The following KCNMA1 variants were observed in gnomAD, a reference collection of about 807,000 sequenced individuals.
KCNMA1 encodes Calcium-activated potassium channel subunit alpha-1.
In KCNMA1, 29 loss-of-function variants were observed where a neutral mutation model predicts 140.0. The observed-to-expected ratio is 0.21, with a 90% CI of 0.15 to 0.28. The LOEUF (loss-of-function observed/expected upper bound fraction) is 0.28. Among genes scored for constraint, KCNMA1 ranks in the 10% least tolerant of loss-of-function variants. The pLI is 1.00. For missense variants in KCNMA1, 880 were observed against 1,602.2 expected (o/e 0.55, Z 7.70); for synonymous variants, 612 against 611.9 (o/e 1.00, Z 0.00).
intron 14 of KCNMA1, among the ~76,000 whole-genome samples, chr10:77,049,195 AAATATGTCTCTCTATGACCTT>A (rs1340100431): frequency 6.6e-6 from 1 of 152,158 alleles, no homozygotes; most frequent in African/African-American, 2.4e-5. Flanking sequence ...CTTCTATCAC[AAATATGTCTCTCTATGACCTT>A]TTTCAGTTGT....
chr10:76,959,633 T>C (rs1455985486), intron 20 of KCNMA1, among the ~76,000 whole-genome samples: 1 of 152,146 alleles, frequency 6.6e-6, no homozygotes, highest in Non-Finnish European at 1.5e-5. Flanking sequence ...TATTACTAGC[T>C]CTGATTATGG....
intron 3 of KCNMA1, among the ~76,000 whole-genome samples, chr10:77,188,692 G>A (rs1184836785): frequency 2.0e-5 from 3 of 152,196 alleles, no homozygotes; most frequent in Non-Finnish European, 4.4e-5. Context: ...CCCAAAGTGG[G>A]AAATGTTTCT....
At chr10:77,265,896 C>G (rs1007495044) in intron 2 of KCNMA1, among the ~76,000 whole-genome samples, 7 of 152,024 alleles carry the variant, frequency 4.6e-5, no homozygotes, top group African/African-American at 1.7e-4. Flanking sequence ...GCCTGGGCAA[C>G]ATGGTGAAAT....
At chr10:76,922,774 T>C (rs1483101821) in intron 23 of KCNMA1, among the ~76,000 whole-genome samples, 1 of 152,242 alleles carries the variant, frequency 6.6e-6, no homozygotes, top group African/African-American at 2.4e-5. Flanking sequence ...TATATGTCTC[T>C]GTTTTTACTT....
chr10:77,508,236 C>T (rs546037511), intron 1 of KCNMA1, among the ~76,000 whole-genome samples: 47 of 152,242 alleles, frequency 3.1e-4, no homozygotes, highest in African/African-American at 1.1e-3. Flanking sequence ...AATGCAGTGG[C>T]ACGATCTCAG....
Position 76,891,626 on chromosome 10 carries a change from C to T in KCNMA1, c.3241G>A (p.Ala1081Thr), listed in dbSNP as rs773135310. 8.7e-6 allele frequency: 14 copies of T among 1,613,964 alleles called. No individual in the cohort carries two copies. The Admixed American group carries it at 1.2e-4, about 13-fold the overall frequency. ...ELEALIAEEN[A>T]LRGGYSTPQT... ...GGGGTGCTGTAGCCACCTCTAAGGG[C>T]GTTTTCCTCAGCAATCAGAGCCTCC... Residue 1081 changes from alanine (A) to threonine (T), a missense_variant, in exon 26 of 28, where the codon GCC becomes ACC. By Grantham distance (58) the Ala-to-Thr change is moderately conservative. Transcript: ENST00000286628.
At chr10:77,596,120 C>G (rs1211208713) in intron 1 of KCNMA1, among the ~76,000 whole-genome samples, 1 of 152,086 alleles carries the variant, frequency 6.6e-6, no homozygotes, top group Non-Finnish European at 1.5e-5. Flanking sequence ...TAATGTTCAC[C>G]CTTACTCATA....
chr10:77,503,054 C>A (rs2044491093), intron 1 of KCNMA1, among the ~76,000 whole-genome samples: 1 of 152,120 alleles, frequency 6.6e-6, no homozygotes, highest in Admixed American at 6.6e-5. Flanking sequence ...GAGTTTGAGA[C>A]AAGCCTAGGC....
intron 2 of KCNMA1, among the ~76,000 whole-genome samples, chr10:77,395,134 C>T (rs1299565230): frequency 1.3e-5 from 2 of 152,056 alleles, no homozygotes; most frequent in Non-Finnish European, 1.5e-5. Context: ...ATTGCCTGGG[C>T]CCAGGGGTTC....
At position 76,945,019 on chromosome 10, in the gene KCNMA1, G is replaced by A. The variant is rs1416537807; in HGVS notation, c.2710-54C>T. On this transcript the variant is annotated intron_variant, in intron 22 of 27. Transcript: ENST00000286628. ...AGAGATGGGGGGAGAAAGAGACAGA[G>A]AGAGAGAGAGAGGAGCAAAAGTGAG... The A allele has an allele frequency of 1.8e-5, 25 of 1,382,128 alleles. No individual in the cohort carries two copies. In the East Asian group the frequency reaches 5.6e-4, roughly 31 times the overall value. The allele number at this position is 1,382,128 out of a possible 1,614,324, so 85.6% of individuals were successfully genotyped here.
chr10:77,264,129 T>A (rs2062768372), intron 2 of KCNMA1, among the ~76,000 whole-genome samples: 1 of 152,158 alleles, frequency 6.6e-6, no homozygotes, highest in Non-Finnish European at 1.5e-5. Flanking sequence ...AACCTCTGCA[T>A]GTGTATTCGC....
At chr10:77,404,237 T>C (rs2096385854) in intron 1 of KCNMA1, among the ~76,000 whole-genome samples, 1 of 152,176 alleles carries the variant, frequency 6.6e-6, no homozygotes, top group South Asian at 2.1e-4. Flanking sequence ...TCTTAAAATA[T>C]CTTAGTGAAA....
At chr10:77,011,133 G>A (rs2090623530) in intron 18 of KCNMA1, among the ~76,000 whole-genome samples, 1 of 152,118 alleles carries the variant, frequency 6.6e-6, no homozygotes, top group Non-Finnish European at 1.5e-5. Flanking sequence ...TAGGAAGGAT[G>A]GCATCATTTT....
intron 20 of KCNMA1, among the ~76,000 whole-genome samples, chr10:76,959,352 A>T (rs2069919474): frequency 6.6e-6 from 1 of 152,260 alleles, no homozygotes; most frequent in Admixed American, 6.5e-5. Flanking sequence ...AGTATACCAT[A>T]GTGGTTAAGC....
intron 27 of KCNMA1, among the ~76,000 whole-genome samples, chr10:76,889,094 A>T (rs2038756901): frequency 6.6e-6 from 1 of 152,266 alleles, no homozygotes; most frequent in Middle Eastern, 3.4e-3. Flanking sequence ...AAAACAAAAA[A>T]ACTTATCTTA....
Position 76,964,946 on chromosome 10 carries a change from T to C in KCNMA1, c.2360+5028A>G, listed in dbSNP as rs559054661. ...TTCAATTTCTTTTTTCTGGGTGTTG[T>C]CAATTATCCTTGCCAGCCCAGCTGG... On this transcript the variant is annotated intron_variant, in intron 20 of 27. Coordinates refer to ENST00000286628, the MANE Select transcript of KCNMA1 (RefSeq NM_001161352.2). 5.3e-5 allele frequency among the ~76,000 whole-genome samples: 8 copies of C among 152,346 alleles called. 2 individuals carry two copies. Among genetic ancestry groups the C allele is most frequent in the African/African-American group, 1.9e-4 (8 of 41,594 alleles).
intron 23 of KCNMA1, among the ~76,000 whole-genome samples, chr10:76,927,349 G>T (rs1218665473): frequency 6.6e-6 from 1 of 152,156 alleles, no homozygotes; most frequent in African/African-American, 2.4e-5. Flanking sequence ...GCTAAAGGAA[G>T]AGAAACCACC....
chr10:76,969,893 G>A (rs1253324602), intron 20 of KCNMA1, 81 bp downstream of exon 20: 3 of 1,124,178 alleles, frequency 2.7e-6, no homozygotes, highest in Non-Finnish European at 4.1e-6. Context: ...GAGACTCTGG[G>A]CCTGGCAGGG....
chr10:76,955,734 T>C (rs2068005564), intron 20 of KCNMA1, among the ~76,000 whole-genome samples: 1 of 152,184 alleles, frequency 6.6e-6, no homozygotes, highest in Non-Finnish European at 1.5e-5. Flanking sequence ...TTGAGGGATG[T>C]TTTTGTCCTT....
Sources: allele counts gnomAD v4.1 joint callset (sites outside exome capture counted in the v4.1 genomes callset), GRCh38; gene constraint gnomAD v4.1.1; transcripts MANE v1.5; gene names NCBI Gene and HGNC (gene_info 2026-07-23, HGNC 2026-07-21).